Variants in EPHA6 observed in about 807,000 individuals in gnomAD.
EPHA6 encodes the protein EPH receptor A6.
A neutral mutation model predicts 112.0 loss-of-function variants in EPHA6; 50 were observed. That is an observed-to-expected ratio of 0.45 (90% CI 0.36 to 0.56). The LOEUF is 0.56. Among genes scored for constraint, EPHA6 ranks in the 20% least tolerant of loss-of-function variants. The pLI, the probability that EPHA6 is intolerant of heterozygous loss-of-function variation, is 0.00. For synonymous variants in EPHA6, 529 were observed against 490.7 expected (o/e 1.08, Z -1.03); for missense variants, 1,280 against 1,417.4 (o/e 0.90, Z 1.56).
intron 14 of EPHA6, chr3:97,646,180 T>A (rs777976363): frequency 1.3e-6 from 2 of 1,535,582 alleles, no homozygotes; most frequent in South Asian, 2.4e-5. Context: ...CTGGAAAGCT[T>A]GTGTGAGCAG....
rs2093628166 is a variant in EPHA6 at position 97,599,813 on chromosome 3, G to T, written c.2512+7076G>T. 2.0e-5 allele frequency among the ~76,000 whole-genome samples: 3 copies of T among 152,208 alleles called. 1 individual carries two copies. The highest frequency in any genetic ancestry group is 3.4e-3 in the Middle Eastern group (1 of 294). Reference sequence around the variant, plus strand: ...TTCCAATTCTGTGAAGAAAGTCATTGGTAGCTTGATGGGGATGGCATTGAA... The same window carrying T: ...TTCCAATTCTGTGAAGAAAGTCATTTGTAGCTTGATGGGGATGGCATTGAA... On this transcript the variant is annotated intron_variant, in intron 12 of 17. Coordinates refer to ENST00000389672, the MANE Select transcript of EPHA6 (RefSeq NM_001080448.3).
chr3:97,309,305 T>C (rs1359225529), intron 5 of EPHA6, among the ~76,000 whole-genome samples: 1 of 151,688 alleles, frequency 6.6e-6, no homozygotes, highest in African/African-American at 2.4e-5. Flanking sequence ...ATTTACTGTT[T>C]ACTTGTCCAT....
rs1251900402 is a variant in EPHA6 at position 97,755,956 on chromosome 3, T to C, written c.*7255T>C. On this transcript the variant is annotated 3_prime_UTR_variant, in exon 18 of 18. Transcript: ENST00000389672. Reference sequence around the variant, plus strand: ...AAAATGTCCTCTTCCACTGCTTTTATAATTAAAAATCTCTTTCCTACCTTT... The same window carrying C: ...AAAATGTCCTCTTCCACTGCTTTTACAATTAAAAATCTCTTTCCTACCTTT... Among the ~76,000 whole-genome samples the C allele has an allele frequency of 6.6e-6, 1 of 152,078 alleles. No individual in the cohort carries two copies. The highest frequency in any genetic ancestry group is 1.5e-5 in the Non-Finnish European group (1 of 67,894).
intron 5 of EPHA6, among the ~76,000 whole-genome samples, chr3:97,257,064 C>T (rs1299046820): frequency 6.6e-6 from 1 of 151,836 alleles, no homozygotes; most frequent in Non-Finnish European, 1.5e-5. Flanking sequence ...ATATCTCAAA[C>T]TAATGAGAAA....
chr3:97,594,840 C>A (rs1047227954), intron 12 of EPHA6, among the ~76,000 whole-genome samples: 1 of 152,200 alleles, frequency 6.6e-6, no homozygotes, highest in South Asian at 2.1e-4. Flanking sequence ...TTTAAACACT[C>A]AGCTGAAGGT....
intron 5 of EPHA6, among the ~76,000 whole-genome samples, chr3:97,369,678 T>C (rs1009828267): frequency 5.3e-5 from 8 of 152,178 alleles, no homozygotes; most frequent in Non-Finnish European, 8.8e-5. Flanking sequence ...TGAGTTTCAC[T>C]GATTGATACA....
At chr3:97,404,961 C>T (rs541566196) in intron 5 of EPHA6, among the ~76,000 whole-genome samples, 189 bp from the exon 6 acceptor site, 1 of 152,028 alleles carries the variant, frequency 6.6e-6, no homozygotes, top group Non-Finnish European at 1.5e-5. Flanking sequence ...TAAGAGTGTT[C>T]CTAAATATAT....
At chr3:97,072,413 C>T (rs1018841121) in intron 3 of EPHA6, among the ~76,000 whole-genome samples, 2 of 151,968 alleles carry the variant, frequency 1.3e-5, no homozygotes, top group Non-Finnish European at 2.9e-5. Flanking sequence ...AATGTGAAGA[C>T]ACATGAAGAA....
intron 7 of EPHA6, among the ~76,000 whole-genome samples, chr3:97,466,679 A>G (rs1354423938): frequency 6.6e-6 from 1 of 151,922 alleles, no homozygotes; most frequent in Non-Finnish European, 1.5e-5. Context: ...CATATACCCT[A>G]TTCTAGAATC....
chr3:97,373,549 A>G (rs2085184740), intron 5 of EPHA6, among the ~76,000 whole-genome samples: 1 of 152,146 alleles, frequency 6.6e-6, no homozygotes, highest in South Asian at 2.1e-4. Flanking sequence ...TTTACTTTTG[A>G]AGTCAGAAAA....
At chr3:97,332,548 A>G (rs2082852742) in intron 5 of EPHA6, among the ~76,000 whole-genome samples, 1 of 151,700 alleles carries the variant, frequency 6.6e-6, no homozygotes, top group East Asian at 1.9e-4. Flanking sequence ...CTGATAGGCA[A>G]CTCCTGTGCT....
chr3:97,295,638 T>A (rs369908782), intron 5 of EPHA6, among the ~76,000 whole-genome samples: 1 of 152,170 alleles, frequency 6.6e-6, no homozygotes, highest in Non-Finnish European at 1.5e-5. Flanking sequence ...CTTGTCTTTA[T>A]GTTGTATCTG....
chr3:97,423,655 A>G (rs1017002660), intron 6 of EPHA6, among the ~76,000 whole-genome samples: 2 of 152,204 alleles, frequency 1.3e-5, no homozygotes, highest in Admixed American at 6.5e-5. Flanking sequence ...AAACCTTTCT[A>G]AAATTCATAT....
rs1479683664 is a variant in EPHA6, at chr3:97,328,018, T to C, written c.1607-77132T>C. ...ATGTGTATGTATATGTATATGTGTA[T>C]ATATGTATATGTGTATATATACACA... On this transcript the variant is annotated intron_variant, in intron 5 of 17. Coordinates refer to ENST00000389672, the MANE Select transcript of EPHA6 (RefSeq NM_001080448.3). Among the ~76,000 whole-genome samples the C allele has an allele frequency of 1.7e-3, 229 of 132,470 alleles. 3 individuals carry two copies. The highest frequency in any genetic ancestry group is 6.6e-3 in the African/African-American group (206 of 30,978). The allele number at this position is 132,470 out of a possible 152,430, so 86.9% of individuals were successfully genotyped here. A position where few individuals can be genotyped will look rare whatever the true frequency, so the allele number is the denominator to read the frequency against.
At chr3:97,614,814 A>C (rs548497976) in intron 13 of EPHA6, among the ~76,000 whole-genome samples, 34 of 152,156 alleles carry the variant, frequency 2.2e-4, no homozygotes, top group Non-Finnish European at 8.8e-5. Flanking sequence ...GGGAGCAAGA[A>C]AAGTGAGTGG....
intron 5 of EPHA6, among the ~76,000 whole-genome samples, chr3:97,273,980 A>G (rs2079980564): frequency 6.6e-6 from 1 of 152,172 alleles, no homozygotes; most frequent in Admixed American, 6.5e-5. Flanking sequence ...ATGTGTAGGA[A>G]AGGGAGGAGG....
chr3:97,727,700 G>A (rs1202684401), intron 15 of EPHA6, among the ~76,000 whole-genome samples: 1 of 151,960 alleles, frequency 6.6e-6, no homozygotes, highest in Non-Finnish European at 1.5e-5. Flanking sequence ...ATTTGAATAT[G>A]TATTCTACCA....
At chr3:97,712,524 T>C (rs1165668113) in intron 14 of EPHA6, among the ~76,000 whole-genome samples, 1 of 152,196 alleles carries the variant, frequency 6.6e-6, no homozygotes, top group Admixed American at 6.5e-5. Flanking sequence ...GCAGTTCTCA[T>C]AATAAAGTAC....
At chr3:97,223,355 G>T (rs567184836) in intron 3 of EPHA6, among the ~76,000 whole-genome samples, 6 of 152,162 alleles carry the variant, frequency 3.9e-5, no homozygotes, top group Admixed American at 1.3e-4. Context: ...AGCAGGGAAG[G>T]CTTCATTAAT....
Sources: gnomAD v4.1 joint callset for allele counts (sites outside exome capture counted in the v4.1 genomes callset) on GRCh38, gnomAD v4.1.1 for gene constraint, MANE v1.5 for transcripts, NCBI Gene and HGNC (gene_info 2026-07-23, HGNC 2026-07-21) for gene names.